ANKRD36C: variants seen among roughly 807,000 people sequenced by gnomAD.
ANKRD36C encodes ankyrin repeat domain 36C, also known as ankyrin repeat domain-containing protein 36C.
A neutral mutation model predicts 276.4 loss-of-function variants in ANKRD36C; 61 were observed. The ratio of observed to expected loss-of-function variants is 0.22; its 90% confidence interval spans 0.18 to 0.27. The LOEUF (loss-of-function observed/expected upper bound fraction) is 0.27. Among genes scored for constraint, ANKRD36C ranks in the 10% least tolerant of loss-of-function variants. The pLI is 1.00. For synonymous variants in ANKRD36C, 483 were observed against 680.1 expected (o/e 0.71, Z 4.51); for missense variants, 1,447 against 2,032.3 (o/e 0.71, Z 5.54).
chr2:95,896,843 C>T (rs1676565250), intron 44 of ANKRD36C, among the ~76,000 whole-genome samples: 1 of 149,812 alleles, frequency 6.7e-6, no homozygotes, highest in Non-Finnish European at 1.5e-5. Context: ...GTTGCTACAC[C>T]AGGGGTCTCC....
intron 6 of ANKRD36C, among the ~76,000 whole-genome samples, chr2:95,963,197 A>G (rs924972191): frequency 9.2e-5 from 14 of 152,040 alleles, no homozygotes; most frequent in Admixed American, 3.3e-4. Flanking sequence ...AAGTTTTTTC[A>G]TCCACTCATG....
At chr2:95,879,628 G>A (rs1418178918) in intron 58 of ANKRD36C, among the ~76,000 whole-genome samples, 1 of 152,134 alleles carries the variant, frequency 6.6e-6, no homozygotes, top group Non-Finnish European at 1.5e-5. Flanking sequence ...CACACACAGT[G>A]TGCTAATCAG....
intron 58 of ANKRD36C, among the ~76,000 whole-genome samples, 191 bp downstream of exon 78, chr2:95,880,236 T>C (rs1418277034): frequency 6.6e-6 from 1 of 152,212 alleles, no homozygotes. Context: ...ACCTTATGTT[T>C]TAAAAATATA....
chr2:95,914,389 T>C (rs1677029705), intron 38 of ANKRD36C, 86 bp from the exon 41 acceptor site: 3 of 1,475,364 alleles, frequency 2.0e-6, no homozygotes, highest in East Asian at 2.5e-5. Flanking sequence ...CATCAACCTC[T>C]GTCTTCCTGC....
rs1293539854 is a variant in ANKRD36C, at chr2:95,916,089, T to A, written c.2377-37A>T. 8 of 1,602,634 alleles carry A rather than the reference T, an allele frequency of 5.0e-6. No homozygotes were observed. The East Asian group carries it at 1.8e-4, about 36-fold the overall frequency. On this transcript the variant is annotated intron_variant, in intron 37 of 66. Transcript: ENST00000456556. ...TTGAAACAAAATAATAAATAAGGTA[T>A]GTTTCATAGGCTATACGTTTACTAG... is the stretch of plus-strand genomic sequence containing the variant.
intron 60 of ANKRD36C, among the ~76,000 whole-genome samples, chr2:95,864,955 A>G (rs1249220232): frequency 6.6e-6 from 1 of 152,134 alleles, no homozygotes; most frequent in Non-Finnish European, 1.5e-5. Context: ...TCAATATAGA[A>G]AAATTAACTG....
At position 95,889,984 on chromosome 2, in the gene ANKRD36C, A is replaced by C. The variant is rs753923606; in HGVS notation, c.2868T>G (p.His956Gln). 8.7e-6 allele frequency: 14 copies of C among 1,609,508 alleles called. 1 individual carries two copies. The highest frequency in any genetic ancestry group is 1.1e-5 in the Non-Finnish European group (13 of 1,177,054). ...TAATTACCTTCAAGGCTGGTTGTTT[A>C]TGAGAAGACACTGAAAAGCAAAAAG... Residue 956 changes from histidine (H) to glutamine (Q), a missense_variant, in exon 47 of 67, where the codon CAT (histidine) becomes CAG (glutamine). His to Gln is a conservative substitution (Grantham distance 24). This residue lies in a region of ANKRD36C where 565 missense variants were observed against 539.5 expected (regional missense o/e 1.05). Transcript: ENST00000456556.
At chr2:95,925,883 T>C (rs1677391153) in intron 28 of ANKRD36C, among the ~76,000 whole-genome samples, 1 of 151,546 alleles carries the variant, frequency 6.6e-6, no homozygotes, top group African/African-American at 2.4e-5. Context: ...CACCCAGGAA[T>C]CAATATCAAA....
At chr2:95,982,467 G>A (rs1205848971) in intron 3 of ANKRD36C, 105 bp from the exon 4 acceptor site, 9 of 958,770 alleles carry the variant, frequency 9.4e-6, no homozygotes. Context: ...ACAATTGAAA[G>A]GTCGTAAGAG....
chr2:95,880,399 A>G (rs932582141), intron 58 of ANKRD36C, 28 bp downstream of exon 78: 5 of 1,517,038 alleles, frequency 3.3e-6, no homozygotes, highest in Non-Finnish European at 4.5e-6. Context: ...ACTTCTTTCC[A>G]GAGTTAAATC....
At chr2:95,892,055 T>C (rs1056541833) in intron 44 of ANKRD36C, among the ~76,000 whole-genome samples, 195 bp from the exon 65 acceptor site, 12 of 151,584 alleles carry the variant, frequency 7.9e-5, no homozygotes, top group African/African-American at 2.7e-4. Context: ...CCATGAAATA[T>C]AGTTTTAGTA....
intron 38 of ANKRD36C, among the ~76,000 whole-genome samples, chr2:95,915,680 A>G (rs975442610): frequency 3.3e-5 from 5 of 151,396 alleles, no homozygotes; most frequent in African/African-American, 1.2e-4. Context: ...TTACACCCTT[A>G]ATGAAAAGAT....
At chr2:95,982,786 T>C (rs1364208518) in intron 3 of ANKRD36C, among the ~76,000 whole-genome samples, 4 of 113,420 alleles carry the variant, frequency 3.5e-5, no homozygotes, top group Non-Finnish European at 7.1e-5. Context: ...TTATTATCTA[T>C]AGAGCGGTGT....
intron 19 of ANKRD36C, among the ~76,000 whole-genome samples, chr2:95,943,970 A>G (rs1677966765): frequency 6.6e-6 from 1 of 152,234 alleles, no homozygotes; most frequent in Non-Finnish European, 1.5e-5. Context: ...TAAACTAGAA[A>G]TATTCAAGTT....
intron 34 of ANKRD36C, among the ~76,000 whole-genome samples, chr2:95,918,942 T>C (rs1677191750): frequency 7.6e-6 from 1 of 131,280 alleles, no homozygotes; most frequent in Admixed American, 8.1e-5. Flanking sequence ...TTTCATGAAA[T>C]AGCTATTTCA....
At chr2:95,896,263 A>G (rs969716488) in intron 44 of ANKRD36C, among the ~76,000 whole-genome samples, 16 of 149,814 alleles carry the variant, frequency 1.1e-4, no homozygotes, top group Non-Finnish European at 2.4e-4. Flanking sequence ...CCAAAGGATA[A>G]TATATTAGCC....
chr2:95,914,475 G>A (rs369264437), intron 38 of ANKRD36C, among the ~76,000 whole-genome samples, 172 bp from the exon 41 acceptor site: 25 of 151,394 alleles, frequency 1.7e-4, no homozygotes, highest in South Asian at 2.1e-4. Context: ...GCTGAGAAAC[G>A]GGAATACAGG....
chr2:95,876,209 A>C (rs1675949545), intron 59 of ANKRD36C, among the ~76,000 whole-genome samples: 1 of 152,206 alleles, frequency 6.6e-6, no homozygotes, highest in Non-Finnish European at 1.5e-5. Context: ...AAACAATATC[A>C]GGAACTTTTT....
chr2:95,913,990 C>G, intron 40 of ANKRD36C, 118 bp downstream of exon 42: 2 of 1,100,934 alleles, frequency 1.8e-6, no homozygotes, highest in Non-Finnish European at 2.6e-6. Context: ...AATGAAGAAT[C>G]TCAGGACTGC....
Sources: allele counts gnomAD v4.1 joint callset (sites outside exome capture counted in the v4.1 genomes callset), GRCh38; gene constraint gnomAD v4.1.1; regional missense constraint gnomAD v4.1.1; transcripts MANE v1.5; gene names NCBI Gene and HGNC (gene_info 2026-07-23, HGNC 2026-07-21).